Variants in EPB41L3 observed in about 807,000 individuals in gnomAD.
The protein encoded by EPB41L3 is erythrocyte membrane protein band 4.1 like 3.
A neutral mutation model predicts 127.1 loss-of-function variants in EPB41L3; 57 were observed. That is an observed-to-expected ratio of 0.45 (90% CI 0.36 to 0.56). The LOEUF is 0.56. EPB41L3 is among the 20% of genes least tolerant of loss of function. The probability of loss-of-function intolerance (pLI) is 0.00; values close to 1 mark genes in which losing one functional copy is unlikely to be tolerated. For synonymous variants in EPB41L3, 572 were observed against 549.5 expected (o/e 1.04, Z -0.57); for missense variants, 1,273 against 1,372.2 (o/e 0.93, Z 1.14).
At chr18:5,598,431 A>G (rs2094557659) in intron 3 of EPB41L3, among the ~76,000 whole-genome samples, 1 of 152,206 alleles carries the variant, frequency 6.6e-6, no homozygotes, top group South Asian at 2.1e-4. Context: ...TCATTCGTTT[A>G]TGTTAACATG....
At chr18:5,499,616 A>T (rs985467333) in intron 1 of EPB41L3, among the ~76,000 whole-genome samples, 4 of 151,726 alleles carry the variant, frequency 2.6e-5, no homozygotes, top group Non-Finnish European at 4.4e-5. Context: ...AATACAAAAA[A>T]ATTAGCCGGG....
At chr18:5,605,430 G>A (rs2094640075) in intron 3 of EPB41L3, among the ~76,000 whole-genome samples, 1 of 152,000 alleles carries the variant, frequency 6.6e-6, no homozygotes, top group South Asian at 2.1e-4. Context: ...CCAGGCTGGA[G>A]TGCAGTGGTG....
chr18:5,493,110 G>C (rs1160263503), intron 1 of EPB41L3, among the ~76,000 whole-genome samples: 1 of 152,136 alleles, frequency 6.6e-6, no homozygotes, highest in African/African-American at 2.4e-5. Flanking sequence ...TCCACTTTTA[G>C]AAGTGGCAGC....
At chr18:5,484,049 A>C (rs1490298638) in intron 2 of EPB41L3, among the ~76,000 whole-genome samples, 3 of 143,816 alleles carry the variant, frequency 2.1e-5, no homozygotes, top group Non-Finnish European at 4.5e-5. Context: ...TCCAGAACAG[A>C]CCATGTCTTA....
chr18:5,431,778 G>A (rs2079039129), intron 8 of EPB41L3, among the ~76,000 whole-genome samples: 1 of 152,006 alleles, frequency 6.6e-6, no homozygotes, highest in African/African-American at 2.4e-5. Context: ...TAGCCTCTTA[G>A]GGGGAAACAC....
chr18:5,550,834 T>C (rs937689873), intron 3 of EPB41L3, among the ~76,000 whole-genome samples: 1 of 152,182 alleles, frequency 6.6e-6, no homozygotes, highest in African/African-American at 2.4e-5. Context: ...CATGTACATA[T>C]GTACATGGTC....
At chr18:5,500,911 C>G (rs10221302) in intron 1 of EPB41L3, among the ~76,000 whole-genome samples, 29,235 of 152,048 alleles carry the variant, frequency 0.19, 3,053 homozygotes, top group African/African-American at 0.28. Flanking sequence ...TCTGTGGTTA[C>G]CTCCTAATGG....
intron 1 of EPB41L3, among the ~76,000 whole-genome samples, chr18:5,489,754 T>C (rs987135773): frequency 6.6e-6 from 1 of 152,214 alleles, no homozygotes; most frequent in African/African-American, 2.4e-5. Context: ...CAGCAGCTTC[T>C]TCAGGGACTC....
intron 1 of EPB41L3, among the ~76,000 whole-genome samples, chr18:5,538,002 G>C (rs1015602068): frequency 1.3e-5 from 2 of 152,052 alleles, no homozygotes; most frequent in African/African-American, 4.8e-5. Context: ...TATTTCATAA[G>C]ATTCATGACA....
rs557423551 is a variant in EPB41L3 at position 5,620,606 on chromosome 18, T to C, written c.-467-6183A>G. On this transcript the variant is annotated intron_variant, in intron 1 of 21. Coordinates refer to the EPB41L3 transcript ENST00000545076. ...CTTTATAATAATGTAGATGATGTTG[T>C]AACATGACAATATTCCCCAGGACTC... Among the ~76,000 whole-genome samples, 10 of 152,336 alleles carry C rather than the reference T, an allele frequency of 6.6e-5. No individual in the cohort carries two copies. In the East Asian group the frequency reaches 1.9e-3, roughly 29 times the overall value.
At chr18:5,398,933 G>A (rs766369436) in intron 16 of EPB41L3, 1 of 399,102 alleles carries the variant, frequency 2.5e-6, no homozygotes, top group Non-Finnish European at 4.4e-6. Flanking sequence ...CCAGGGATTC[G>A]GACAATTTCC....
chr18:5,591,972 T>C (rs899250829), intron 3 of EPB41L3, among the ~76,000 whole-genome samples: 4 of 152,142 alleles, frequency 2.6e-5, no homozygotes, highest in African/African-American at 7.2e-5. Flanking sequence ...ATAAAGAAAC[T>C]CTAAGCTAAG....
At chr18:5,407,969 T>G (rs1195369910) in intron 14 of EPB41L3, among the ~76,000 whole-genome samples, 2 of 152,216 alleles carry the variant, frequency 1.3e-5, no homozygotes, top group Non-Finnish European at 2.9e-5. Context: ...TCTTTGGCAT[T>G]TTGACCAGCA....
chr18:5,511,486 C>T, intron 1 of EPB41L3, among the ~76,000 whole-genome samples: 1 of 145,638 alleles, frequency 6.9e-6, no homozygotes, highest in Non-Finnish European at 1.5e-5. Flanking sequence ...CTTCTTTGGC[C>T]CAGATTGGTT....
At chr18:5,542,534 A>G (rs1349054903) in intron 1 of EPB41L3, among the ~76,000 whole-genome samples, 1 of 151,914 alleles carries the variant, frequency 6.6e-6, no homozygotes, top group Non-Finnish European at 1.5e-5. Flanking sequence ...CGCGAGACTA[A>G]TGTAAAAAAG....
intron 3 of EPB41L3, among the ~76,000 whole-genome samples, chr18:5,611,833 C>G (rs555364744): frequency 6.6e-6 from 1 of 152,138 alleles, no homozygotes; most frequent in African/African-American, 2.4e-5. Context: ...TTAGTAGAGA[C>G]AGGGTACTTC....
At position 5,415,875 on chromosome 18, in the gene EPB41L3, C is replaced by T; in HGVS notation, c.2010G>A (p.Lys670=). ...LALCLCYLEP[K]AASLSASLDN... ...CTAGGGAGGCGCTCAAGGAGGCCGCCTTGGGCTCCAGGTAGCAGAGGCACA... is the reference window on the plus strand; with the variant it reads ...CTAGGGAGGCGCTCAAGGAGGCCGCTTTGGGCTCCAGGTAGCAGAGGCACA... Residue 670 remains lysine, a synonymous_variant, in exon 13 of 23, where the codon AAG becomes AAA. Coordinates refer to ENST00000341928, the MANE Select transcript of EPB41L3 (RefSeq NM_012307.5). 1.2e-6 allele frequency: 2 copies of T among 1,613,760 alleles called. No homozygotes were observed. The highest frequency in any genetic ancestry group is 1.7e-6 in the Non-Finnish European group (2 of 1,179,942).
At chr18:5,609,319 C>T (rs554556407) in intron 3 of EPB41L3, among the ~76,000 whole-genome samples, 14 of 152,204 alleles carry the variant, frequency 9.2e-5, no homozygotes, top group Non-Finnish European at 1.5e-4. Context: ...ACCAATCAAA[C>T]GCTTTACCTA....
intron 5 of EPB41L3, among the ~76,000 whole-genome samples, chr18:5,442,519 T>C (rs947824325): frequency 2.0e-5 from 3 of 152,166 alleles, no homozygotes; most frequent in Non-Finnish European, 2.9e-5. Flanking sequence ...GTACTTGGGG[T>C]ATTATTTTGA....
Sources: gnomAD v4.1 joint callset for allele counts (sites outside exome capture counted in the v4.1 genomes callset) on GRCh38, gnomAD v4.1.1 for gene constraint, MANE v1.5 for transcripts, NCBI Gene and HGNC (gene_info 2026-07-23, HGNC 2026-07-21) for gene names.